The following GRIK4 variants were observed in gnomAD, a reference collection of about 807,000 sequenced individuals.
GRIK4 encodes the protein glutamate ionotropic receptor kainate type subunit 4.
GRIK4 carries 40 observed loss-of-function variants against 104.9 expected under a neutral mutation model. The ratio of observed to expected loss-of-function variants is 0.38; its 90% CI spans 0.30 to 0.50. The LOEUF is 0.50. Among genes scored for constraint, GRIK4 ranks in the 20% least tolerant of loss-of-function variants. The pLI is 0.93. For missense variants in GRIK4, 1,047 were observed against 1,308.1 expected (o/e 0.80, Z 3.08); for synonymous variants, 485 against 524.9 (o/e 0.92, Z 1.04).
Position 120,986,025 on chromosome 11 carries a change from G to T in GRIK4, c.2636G>T (p.Arg879Leu), listed in dbSNP as rs756467292. Reference protein sequence around the residue: ...PPPRPPIPEERRPRGTATLSN... With the variant: ...PPPRPPIPEELRPRGTATLSN... ...CCCCGGCCCCCCATCCCCGAGGAGC[G>T]CCGACCGCGGGGCACGGCGACGCTC... Residue 879 changes from arginine (R) to leucine (L), a missense_variant, in exon 21 of 21, where the codon CGC becomes CTC. By Grantham distance (102) the Arg-to-Leu change is moderately radical. Around this residue, in one of 3 missense-constraint regions of GRIK4, gnomAD observed 160 missense variants for 140.9 expected, o/e 1.14. Coordinates refer to ENST00000527524, the MANE Select transcript of GRIK4 (RefSeq NM_014619.5). The T allele has an allele frequency of 5.9e-6, 9 of 1,525,010 alleles. No homozygotes were observed. Among genetic ancestry groups the T allele is most frequent in the Non-Finnish European group, 7.0e-6 (8 of 1,137,612 alleles). The allele number at this position is 1,525,010 out of a possible 1,614,324, so 94.5% of individuals were successfully genotyped here.
At chr11:120,824,115 C>A (rs535546073) in intron 6 of GRIK4, among the ~76,000 whole-genome samples, 1 of 152,174 alleles carries the variant, frequency 6.6e-6, no homozygotes, top group Non-Finnish European at 1.5e-5. Flanking sequence ...TTAGGCATAA[C>A]GGAGATAATT....
intron 1 of GRIK4, among the ~76,000 whole-genome samples, chr11:120,608,016 A>G (rs1324247711): frequency 6.6e-6 from 1 of 152,162 alleles, no homozygotes. Flanking sequence ...CTGGGCAATG[A>G]GGAGGTCATG....
intron 1 of GRIK4, among the ~76,000 whole-genome samples, chr11:120,630,559 T>C (rs1246590988): frequency 6.6e-6 from 1 of 152,180 alleles, no homozygotes; most frequent in Non-Finnish European, 1.5e-5. Context: ...CGGCCTCCTC[T>C]TTTAAGGGTG....
intron 12 of GRIK4, among the ~76,000 whole-genome samples, chr11:120,899,992 C>T (rs2134486341): frequency 6.6e-6 from 1 of 152,286 alleles, no homozygotes; most frequent in East Asian, 1.9e-4. Context: ...ACTCCTGGGG[C>T]CCAGGCGCCC....
chr11:120,580,306 C>T (rs372811761), intron 1 of GRIK4, among the ~76,000 whole-genome samples: 1 of 149,156 alleles, frequency 6.7e-6, no homozygotes, highest in East Asian at 2.0e-4. Context: ...GACAGAGTCT[C>T]ACTCTGTCAC....
chr11:120,559,809 T>C (rs1482878621), intron 1 of GRIK4, among the ~76,000 whole-genome samples: 1 of 152,232 alleles, frequency 6.6e-6, no homozygotes, highest in Admixed American at 6.5e-5. Flanking sequence ...TTTGCCAGCA[T>C]GCCTGCCTCT....
At chr11:120,934,580 G>C (rs993348155) in intron 13 of GRIK4, among the ~76,000 whole-genome samples, 1 of 152,218 alleles carries the variant, frequency 6.6e-6, no homozygotes, top group African/African-American at 2.4e-5. Flanking sequence ...GGAGGCCAAA[G>C]AGAGTATGTT....
rs566322153 is a variant in GRIK4, at chr11:120,987,564, G to A, written c.*1304G>A. The A allele has an allele frequency of 1.2e-4, 18 of 152,310 alleles. No individual in the cohort carries two copies. Among genetic ancestry groups the A allele is most frequent in the Admixed American group, 7.2e-4 (11 of 15,302 alleles). The allele number at this position is 152,310 out of a possible 1,614,324, so 9.4% of individuals were successfully genotyped here. ...AGGTGGAGTCTCCTAGTCAATACAC[G>A]GGCCTGGGAACCAGGAACTCTTGAG... On this transcript the variant is annotated 3_prime_UTR_variant, in exon 21 of 21. Transcript: ENST00000527524.
At chr11:120,690,967 C>T (rs1227367835) in intron 3 of GRIK4, among the ~76,000 whole-genome samples, 1 of 152,166 alleles carries the variant, frequency 6.6e-6, no homozygotes, top group African/African-American at 2.4e-5. Flanking sequence ...ATAGGTCAAG[C>T]CTTCTAATTC....
At chr11:120,883,457 A>C (rs1955026134) in intron 11 of GRIK4, among the ~76,000 whole-genome samples, 1 of 152,052 alleles carries the variant, frequency 6.6e-6, no homozygotes, top group Non-Finnish European at 1.5e-5. Context: ...CCCCTACTTC[A>C]CTAAAAGGCT....
intron 20 of GRIK4, among the ~76,000 whole-genome samples, chr11:120,983,501 G>A (rs1944686877): frequency 6.6e-6 from 1 of 152,160 alleles, no homozygotes; most frequent in African/African-American, 2.4e-5. Flanking sequence ...TTGATGATGG[G>A]GATACTTTCT....
chr11:120,752,873 C>T (rs1951581174), intron 3 of GRIK4, among the ~76,000 whole-genome samples: 1 of 152,224 alleles, frequency 6.6e-6, no homozygotes, highest in African/African-American at 2.4e-5. Flanking sequence ...GTTCACCCTC[C>T]TCCATAGTCA....
At position 120,516,238 on chromosome 11, in the gene GRIK4, C is replaced by T. The variant is rs115293969; in HGVS notation, c.-159+4351C>T. ...TGGGTGGATAGCACACCAAGACACCCGGTCTCTGGGAACATGGCGTGTGTG... is the reference window on the plus strand; with the variant it reads ...TGGGTGGATAGCACACCAAGACACCTGGTCTCTGGGAACATGGCGTGTGTG... On this transcript the variant is annotated intron_variant, in intron 1 of 20. Transcript: ENST00000527524. 8.7e-3 allele frequency among the ~76,000 whole-genome samples: 1,328 copies of T among 152,230 alleles called. 12 individuals carry two copies. The highest frequency in any genetic ancestry group is 0.024 in the Middle Eastern group (7 of 294).
At chr11:120,531,005 T>C (rs1484416749) in intron 1 of GRIK4, among the ~76,000 whole-genome samples, 1 of 152,222 alleles carries the variant, frequency 6.6e-6, no homozygotes, top group African/African-American at 2.4e-5. Flanking sequence ...GTTTCCTCTC[T>C]GCAGAGTGGG....
intron 11 of GRIK4, among the ~76,000 whole-genome samples, chr11:120,897,596 C>A (rs1942616036): frequency 4.3e-4 from 2 of 4,600 alleles, no homozygotes; most frequent in Non-Finnish European, 1.7e-3. Flanking sequence ...AACAAGACTC[C>A]TTCTCAAAAA....
chr11:120,802,611 G>T, intron 3 of GRIK4, 82 bp from the exon 4 acceptor site: 1 of 1,200,098 alleles, frequency 8.3e-7, no homozygotes, highest in Non-Finnish European at 1.2e-6. Context: ...GAGGAAGGTG[G>T]CAGCAGGGGG....
chr11:120,664,089 G>T (rs894635496), intron 3 of GRIK4, among the ~76,000 whole-genome samples: 1 of 152,238 alleles, frequency 6.6e-6, no homozygotes, highest in African/African-American at 2.4e-5. Flanking sequence ...TAATGAATGT[G>T]ATGGATAGAT....
At chr11:120,799,083 T>C (rs1383690125) in intron 3 of GRIK4, among the ~76,000 whole-genome samples, 1 of 152,212 alleles carries the variant, frequency 6.6e-6, no homozygotes, top group East Asian at 1.9e-4. Context: ...AGGCCCAGCG[T>C]GACTCTGAAA....
intron 14 of GRIK4, among the ~76,000 whole-genome samples, chr11:120,951,140 G>T (rs1416187222): frequency 6.6e-6 from 1 of 152,210 alleles, no homozygotes; most frequent in Non-Finnish European, 1.5e-5. Flanking sequence ...TTTGGCAGAG[G>T]ATGAGTATTT....
Sources: allele counts gnomAD v4.1 joint callset (sites outside exome capture counted in the v4.1 genomes callset), GRCh38; gene constraint gnomAD v4.1.1; regional missense constraint gnomAD v4.1.1; transcripts MANE v1.5; gene names NCBI Gene and HGNC (gene_info 2026-07-23, HGNC 2026-07-21).